ERO1B: variants seen among roughly 807,000 people sequenced by gnomAD.
ERO1B encodes endoplasmic reticulum oxidoreductase 1 beta.
ERO1B carries 49 observed loss-of-function variants against 75.3 expected under a neutral mutation model. That is an observed-to-expected ratio of 0.65 (90% CI 0.52 to 0.83). The LOEUF (loss-of-function observed/expected upper bound fraction) is 0.83, where lower values mean the gene tolerates loss of function less well. Ranked by LOEUF, ERO1B falls within the 40% of genes least tolerant of loss-of-function variation. The pLI is 0.00. For missense variants in ERO1B, 512 were observed against 560.1 expected, an observed-to-expected ratio of 0.91 and a Z score of 0.87; for synonymous variants, 191 against 192.9, an observed-to-expected ratio of 0.99 and a Z score of 0.08.
intron 6 of ERO1B, among the ~76,000 whole-genome samples, chr1:236,239,909 A>ATTTTTTTTTTT (rs1345692165): frequency 3.7e-5 from 4 of 106,958 alleles, no homozygotes; most frequent in East Asian, 4.3e-4. Context: ...ATATATATAT[A>ATTTTTTTTTTT]TATTTTTTTT....
chr1:236,279,440 C>A (rs866921199), intron 1 of ERO1B, among the ~76,000 whole-genome samples: 1 of 140,648 alleles, frequency 7.1e-6, no homozygotes, highest in Non-Finnish European at 1.5e-5. Flanking sequence ...GAGGTGGAGG[C>A]TGCACTGAGC....
At chr1:236,259,199 G>A (rs892047160) in intron 2 of ERO1B, among the ~76,000 whole-genome samples, 4 of 152,178 alleles carry the variant, frequency 2.6e-5, no homozygotes, top group Non-Finnish European at 5.9e-5. Flanking sequence ...CAAGATGTAT[G>A]TAGGTCTCAT....
intron 10 of ERO1B, among the ~76,000 whole-genome samples, 157 bp from the exon 11 acceptor site, chr1:236,226,896 A>C (rs1403169430): frequency 6.6e-6 from 1 of 152,206 alleles, no homozygotes; most frequent in East Asian, 1.9e-4. Context: ...CTCTCACTAG[A>C]AGGCAAAGTA....
chr1:236,238,171 T>C (rs892559065), intron 6 of ERO1B, among the ~76,000 whole-genome samples: 6 of 152,096 alleles, frequency 3.9e-5, no homozygotes, highest in Non-Finnish European at 8.8e-5. Flanking sequence ...ACTTAGACAA[T>C]GGAAACATGA....
chr1:236,271,282 A>G (rs570274807), intron 1 of ERO1B, among the ~76,000 whole-genome samples: 1 of 152,228 alleles, frequency 6.6e-6, no homozygotes, highest in Non-Finnish European at 1.5e-5. Context: ...TATGCAAGTA[A>G]TGATCAGAAA....
chr1:236,230,279 C>G, intron 9 of ERO1B, 29 bp from the exon 10 acceptor site: 1 of 1,548,416 alleles, frequency 6.5e-7, no homozygotes, highest in Non-Finnish European at 8.9e-7. Context: ...TGGATTAAAA[C>G]ATTATATGGT....
intron 1 of ERO1B, 87 bp from the exon 2 acceptor site, chr1:236,270,081 C>A (rs928079219): frequency 2.0e-6 from 2 of 994,062 alleles, no homozygotes; most frequent in Non-Finnish European, 2.9e-6. Flanking sequence ...GTAATTTATT[C>A]ATTCAAGTTA....
intron 6 of ERO1B, 97 bp from the exon 7 acceptor site, chr1:236,236,495 A>T: frequency 7.6e-7 from 1 of 1,320,098 alleles, no homozygotes; most frequent in Non-Finnish European, 1.0e-6. Context: ...GGTAAGAAAA[A>T]TGTCATGCTT....
At chr1:236,235,120 G>C (rs1165048219) in intron 8 of ERO1B, among the ~76,000 whole-genome samples, 1 of 152,192 alleles carries the variant, frequency 6.6e-6, no homozygotes, top group Non-Finnish European at 1.5e-5. Flanking sequence ...AATTTCATGT[G>C]TTCCACAGTC....
At chr1:236,228,463 C>CA (rs1344264671) in intron 10 of ERO1B, among the ~76,000 whole-genome samples, 1 of 152,172 alleles carries the variant, frequency 6.6e-6, no homozygotes, top group Non-Finnish European at 1.5e-5. Flanking sequence ...GAGGTCCAGG[C>CA]AAAAGCCTTC....
chr1:236,262,194 T>A (rs1665308055), intron 2 of ERO1B, among the ~76,000 whole-genome samples: 1 of 152,066 alleles, frequency 6.6e-6, no homozygotes, highest in African/African-American at 2.4e-5. Context: ...CCCAAGTATG[T>A]ATGGTCAATT....
rs1663947285 is a variant in ERO1B at position 236,215,477 on chromosome 1, TCTC to T, written c.*3036_*3038del. ...CTACTTATAAATACATTTTCTCCCT[TCTC>T]CACAGGTTACAATCAAATTCTCATG... is the stretch of plus-strand genomic sequence containing the variant. On this transcript the variant is annotated 3_prime_UTR_variant, in exon 16 of 16. Transcript: ENST00000354619. 1 of 151,982 alleles carries T rather than the reference TCTC, an allele frequency of 6.6e-6. No individual in the cohort carries two copies. The highest frequency in any genetic ancestry group is 2.4e-5 in the African/African-American group (1 of 41,368). The allele number at this position is 151,982 out of a possible 1,614,324, so 9.4% of individuals were successfully genotyped here.
At position 236,218,143 on chromosome 1, in the gene ERO1B, T is replaced by C. The variant is rs1664044518; in HGVS notation, c.*373A>G. 6.5e-6 allele frequency: 1 copy of C among 152,712 alleles called. No individual in the cohort carries two copies. The highest frequency in any genetic ancestry group is 1.5e-5 in the Non-Finnish European group (1 of 68,456). 9.5% of individuals were successfully genotyped at this position (152,712 alleles called of 1,614,324 possible). A position where few individuals can be genotyped will look rare whatever the true frequency, so the allele number is the denominator to read the frequency against. On this transcript the variant is annotated 3_prime_UTR_variant, in exon 16 of 16. Coordinates refer to ENST00000354619, the MANE Select transcript of ERO1B (RefSeq NM_019891.4). ...AACATTTGTTCCCTAGTTCTCCTTTTCCATAACAGACTGAACAGTGTTATT... is the reference window on the plus strand; with the variant it reads ...AACATTTGTTCCCTAGTTCTCCTTTCCCATAACAGACTGAACAGTGTTATT...
intron 10 of ERO1B, among the ~76,000 whole-genome samples, chr1:236,229,973 A>G (rs893422155): frequency 2.0e-5 from 3 of 152,212 alleles, no homozygotes; most frequent in African/African-American, 7.2e-5. Flanking sequence ...AAATAAGATT[A>G]GGGAACCAGT....
At chr1:236,276,126 G>A (rs1246506100) in intron 1 of ERO1B, among the ~76,000 whole-genome samples, 1 of 152,206 alleles carries the variant, frequency 6.6e-6, no homozygotes, top group Non-Finnish European at 1.5e-5. Flanking sequence ...TTTGGCTGGA[G>A]CTTATGTATA....
intron 2 of ERO1B, among the ~76,000 whole-genome samples, chr1:236,268,991 T>G (rs914018469): frequency 2.6e-5 from 4 of 152,260 alleles, no homozygotes; most frequent in Admixed American, 1.3e-4. Flanking sequence ...TCCCAGCACT[T>G]TGGGAGGCTG....
chr1:236,230,091 TA>T, intron 10 of ERO1B, 132 bp downstream of exon 10: 1 of 728,466 alleles, frequency 1.4e-6, no homozygotes, highest in Non-Finnish European at 2.3e-6. Context: ...TATGTTAACC[TA>T]AAACACATTT....
intron 1 of ERO1B, among the ~76,000 whole-genome samples, chr1:236,280,570 A>G (rs1487543384): frequency 6.6e-6 from 1 of 152,222 alleles, no homozygotes; most frequent in Admixed American, 6.5e-5. Context: ...CCCAATACCA[A>G]AAATTTGCCC....
At chr1:236,224,705 A>G (rs1002819744) in intron 13 of ERO1B, among the ~76,000 whole-genome samples, 1 of 152,232 alleles carries the variant, frequency 6.6e-6, no homozygotes, top group Non-Finnish European at 1.5e-5. Context: ...ATTCCATAAA[A>G]TAAACTTTAG....
Sources: allele counts gnomAD v4.1 joint callset (sites outside exome capture counted in the v4.1 genomes callset), GRCh38; gene constraint gnomAD v4.1.1; transcripts MANE v1.5; gene names NCBI Gene and HGNC (gene_info 2026-07-23, HGNC 2026-07-21).